PIGO: variants seen among roughly 807,000 people sequenced by gnomAD.
The protein encoded by PIGO is phosphatidylinositol glycan anchor biosynthesis class O, also known as GPI ethanolamine phosphate transferase 3, catalytic subunit.
In PIGO, 66 loss-of-function variants were observed where a neutral mutation model predicts 86.9. That is an observed-to-expected ratio of 0.76 (90% CI 0.62 to 0.93). The LOEUF is 0.93. Among genes scored for constraint, PIGO ranks in the 40% least tolerant of loss-of-function variants. The probability of loss-of-function intolerance (pLI) is 0.00; values close to 1 mark genes in which losing one functional copy is unlikely to be tolerated. For missense variants in PIGO, 1,202 were observed against 1,359.1 expected (o/e 0.88, Z 1.82); for synonymous variants, 570 against 556.4 (o/e 1.02, Z -0.34).
In PIGO at chr9:35,090,262, A is replaced by C; in HGVS notation, c.2873T>G (p.Leu958Arg). 6.2e-7 allele frequency: 1 copy of C among 1,613,938 alleles called. No individual in the cohort carries two copies. The highest frequency in any genetic ancestry group is 8.5e-7 in the Non-Finnish European group (1 of 1,179,884). ...LLFAVGCPLL[L>R]LWPFLCESQG... Reference sequence around the variant, plus strand: ...ACTCTCACACAGGAAAGGCCAGAGCAGGAGCAGTGGGCAACCTACTGCCTC... The same window carrying C: ...ACTCTCACACAGGAAAGGCCAGAGCCGGAGCAGTGGGCAACCTACTGCCTC... The change falls in exon 9 of 11, where the codon CTG becomes CGG. Residue 958 changes from leucine to arginine, a missense_variant. By Grantham distance (102) the Leu-to-Arg change is moderately radical. Coordinates refer to ENST00000378617, the MANE Select transcript of PIGO (RefSeq NM_032634.4).
At position 35,090,363 on chromosome 9, in the gene PIGO, A is replaced by G. The variant is rs1829359903; in HGVS notation, c.2855-83T>C. 2.1e-5 allele frequency: 32 copies of G among 1,559,732 alleles called. No homozygotes were observed. The South Asian group carries it at 3.7e-4, about 18-fold the overall frequency. ...CAATTAGCCTAGGCCAAGGGGTGCC[A>G]AAGATCCAACAAACCCATATCTCTC... is the stretch of plus-strand genomic sequence containing the variant. On this transcript the variant is annotated intron_variant, in intron 8 of 10. Transcript: ENST00000378617.
Position 35,092,535 on chromosome 9 carries a change from A to C in PIGO, c.1352T>G (p.Met451Arg), listed in dbSNP as rs1057518632. The C allele has an allele frequency of 2.5e-6, 4 of 1,614,214 alleles. No individual in the cohort carries two copies. The highest frequency in any genetic ancestry group is 3.4e-6 in the Non-Finnish European group (4 of 1,180,006). ...AGCCAAGAGAGCAGTACCCCCCGCC[A>C]TGCGGACCAGAGAGAAACGAGCCCA... ...ESWARFSLVRMAGGTALLAAS... is the reference protein window; with the variant it reads ...ESWARFSLVRRAGGTALLAAS... Residue 451 changes from methionine (M) to arginine (R), a missense_variant, in exon 7 of 11, where the codon ATG (methionine) becomes AGG (arginine). Met to Arg is a moderately conservative substitution (Grantham distance 91). Transcript: ENST00000378617.
At chr9:35,089,712 A>G (rs1829327347) in intron 9 of PIGO, 7 of 1,407,548 alleles carry the variant, frequency 5.0e-6, no homozygotes, top group Admixed American at 3.0e-5. Flanking sequence ...ATGGAGGAAG[A>G]TATCAGTGCC....
intron 1 of PIGO, 165 bp from the exon 2 acceptor site, chr9:35,095,731 A>C: frequency 1.0e-6 from 1 of 978,940 alleles, no homozygotes; most frequent in South Asian, 1.9e-5. Context: ...TCCTATTTCC[A>C]GGCTGGGCAT....
rs114952014 is a variant in PIGO, at chr9:35,094,786, G to T, written c.511+269C>A. 5.2e-3 allele frequency among the ~76,000 whole-genome samples: 785 copies of T among 152,272 alleles called. 13 individuals carry two copies. The highest frequency in any genetic ancestry group is 0.018 in the African/African-American group (755 of 41,536). On this transcript the variant is annotated intron_variant, in intron 2 of 10. Coordinates refer to ENST00000378617, the MANE Select transcript of PIGO (RefSeq NM_032634.4). ...AAGAATAAAACTTACACTCCATTCA[G>T]ATTAGAAGCTTCATAGGAACAAAGC...
chr9:35,094,835 C>T (rs1234585772), intron 2 of PIGO, among the ~76,000 whole-genome samples: 2 of 152,136 alleles, frequency 1.3e-5, no homozygotes, highest in Non-Finnish European at 2.9e-5. Context: ...CCTCTGTCTC[C>T]CAAACTGAGC....
chr9:35,093,163 A>T lies in PIGO; in HGVS notation c.986T>A (p.Leu329Gln). 1 of 1,614,188 alleles carries T rather than the reference A, an allele frequency of 6.2e-7. No homozygotes were observed. ...PQVSLVPTLA[L>Q]LLGLPIPFGN... ...AAATGGGATGGGCAGGCCCAGCAGC[A>T]GGGCCAGCGTGGGCACAAGGCTAAC... Residue 329 changes from leucine (L) to glutamine (Q), a missense_variant, in exon 6 of 11, where the codon CTG (leucine) becomes CAG (glutamine). Physicochemically the swap from Leu to Gln is moderately radical, Grantham distance 113. Coordinates refer to ENST00000378617, the MANE Select transcript of PIGO (RefSeq NM_032634.4).
At position 35,095,329 on chromosome 9, in the gene PIGO, T is replaced by C. The variant is rs376966684; in HGVS notation, c.237A>G (p.Arg79=). The change falls in exon 2 of 11, where the codon CGA becomes CGG. Residue 79 remains arginine, a synonymous_variant. Coordinates refer to ENST00000378617, the MANE Select transcript of PIGO (RefSeq NM_032634.4). ...AATGCTGGGGCTGGGCGAAGTCAAA[T>C]CGCAGAGCATCTATCAGCACCAACA... ...RVVLVLIDAL[R]FDFAQPQHSH... 2 of 1,613,942 alleles carry C rather than the reference T, an allele frequency of 1.2e-6. No homozygotes were observed. Among genetic ancestry groups the C allele is most frequent in the African/African-American group, 2.7e-5 (2 of 74,884 alleles).
At position 35,091,619 on chromosome 9, in the gene PIGO, C is replaced by T. The variant is rs149171782; in HGVS notation, c.2268G>A (p.Ala756=). 4.6e-3 allele frequency: 7,431 copies of T among 1,613,526 alleles called. 26 individuals carry two copies. Among genetic ancestry groups the T allele is most frequent in the Non-Finnish European group, 5.8e-3 (6,891 of 1,180,020 alleles). The change falls in exon 7 of 11, where the codon GCG becomes GCA. Residue 756 remains alanine (A), a synonymous_variant. Coordinates refer to ENST00000378617, the MANE Select transcript of PIGO (RefSeq NM_032634.4). ...CTGTCACAGGCTTCCAGAGCAGCAG[C>T]GCGAGCCCTGAAGCAGCCAGCCCTG... is the stretch of plus-strand genomic sequence containing the variant. ...AVAGLAASGL[A]LLLWKPVTVL... is the part of the protein sequence containing the mutation.
chr9:35,089,344 C>T (rs781244243), intron 10 of PIGO, 36 bp downstream of exon 10: 1 of 1,614,132 alleles, frequency 6.2e-7, no homozygotes, highest in Non-Finnish European at 8.5e-7. Context: ...GTTTCTCCCT[C>T]CCCACCACCT....
chr9:35,089,676 G>T, intron 9 of PIGO: 1 of 1,425,752 alleles, frequency 7.0e-7, no homozygotes. Flanking sequence ...CATCTGCAAT[G>T]CTAACACTCA....
chr9:35,093,236 G>T, intron 5 of PIGO, 27 bp from the exon 6 acceptor site: 1 of 1,597,310 alleles, frequency 6.3e-7, no homozygotes, highest in Non-Finnish European at 8.6e-7. Context: ...GTGGTCAACA[G>T]ATTCATCACA....
intron 3 of PIGO, 39 bp from the exon 4 acceptor site, chr9:35,094,063 C>A: frequency 1.2e-6 from 2 of 1,600,952 alleles, no homozygotes; most frequent in Non-Finnish European, 1.7e-6. Context: ...AGACTAAGAC[C>A]CACTCCTCAA....
rs537260013 is a variant in PIGO, at chr9:35,091,833, C to T, written c.2054G>A (p.Arg685His). 18 of 1,613,954 alleles carry T rather than the reference C, an allele frequency of 1.1e-5. No individual in the cohort carries two copies. The highest frequency in any genetic ancestry group is 1.0e-4 in the Admixed American group (6 of 60,028). Residue 685 changes from arginine to histidine, a missense_variant, in exon 7 of 11, where the codon CGC becomes CAC. Coordinates refer to ENST00000378617, the MANE Select transcript of PIGO (RefSeq NM_032634.4). ...AALVALLAAVRLWLRRYGNLK... is the reference protein window; with the variant it reads ...AALVALLAAVHLWLRRYGNLK... ...ATTACCATAGCGGCGAAGCCACAAG[C>T]GCACGGCAGCTAACAGGGCCACCAG...
intron 10 of PIGO, 68 bp downstream of exon 10, chr9:35,089,312 G>A (rs1829309983): frequency 6.2e-7 from 1 of 1,613,410 alleles, no homozygotes; most frequent in Non-Finnish European, 8.5e-7. Context: ...TGGATGTTTA[G>A]GATCTTCATA....
Position 35,089,180 on chromosome 9 carries a change from C to G in PIGO, c.3182G>C (p.Gly1061Ala). 1 of 1,614,166 alleles carries G rather than the reference C, an allele frequency of 6.2e-7. No individual in the cohort carries two copies. The highest frequency in any genetic ancestry group is 8.5e-7 in the Non-Finnish European group (1 of 1,180,038). Residue 1061 changes from glycine (G) to alanine (A), a missense_variant, in exon 11 of 11, where the codon GGA becomes GCA. Coordinates refer to ENST00000378617, the MANE Select transcript of PIGO (RefSeq NM_032634.4). ...EAVGFIVSSV[G>A]LLLGIALVMR... ...CACCAAAGCTATGCCCAGGAGAAGT[C>G]CCACGCTGCTCACAATGAAGCCCAC...
At chr9:35,093,836 A>G (rs1349885188) in intron 4 of PIGO, 65 bp downstream of exon 4, 2 of 1,586,876 alleles carry the variant, frequency 1.3e-6, no homozygotes, top group South Asian at 1.2e-5. Flanking sequence ...AGAAGCTCTA[A>G]GATAAGAGCT....
Position 35,090,145 on chromosome 9 carries a change from C to A in PIGO, c.2990G>T (p.Arg997Leu), listed in dbSNP as rs770280569. ...EEEEEPLMEM[R>L]LRDAPQHFYA... Reference sequence around the variant, plus strand: ...GAAGTGCTGAGGCGCATCCCGGAGCCGCATCTCCATCAGTGGCTCCTCTTC... The same window carrying A: ...GAAGTGCTGAGGCGCATCCCGGAGCAGCATCTCCATCAGTGGCTCCTCTTC... The change falls in exon 9 of 11, where the codon CGG (arginine) becomes CTG (leucine). Residue 997 changes from arginine (R) to leucine (L), a missense_variant. Coordinates refer to ENST00000378617, the MANE Select transcript of PIGO (RefSeq NM_032634.4). 2 of 1,614,236 alleles carry A rather than the reference C, an allele frequency of 1.2e-6. No homozygotes were observed. The highest frequency in any genetic ancestry group is 1.7e-6 in the Non-Finnish European group (2 of 1,180,046).
rs112760191 is a variant in PIGO at position 35,091,141 on chromosome 9, T to C, written c.2647+99A>G. ...GTTGTGTGGGGCATGGGACCCTCTG[T>C]CAAGCTCAGGAACATGAGGAGCAAC... On this transcript the variant is annotated intron_variant, in intron 7 of 10. Coordinates refer to ENST00000378617, the MANE Select transcript of PIGO (RefSeq NM_032634.4). 1.4e-5 allele frequency: 19 copies of C among 1,356,484 alleles called. 1 individual carries two copies. The highest frequency in any genetic ancestry group is 1.3e-4 in the African/African-American group (9 of 68,442). 84.0% of individuals were successfully genotyped at this position (1,356,484 alleles called of 1,614,324 possible). A position where few individuals can be genotyped will look rare whatever the true frequency, so the allele number is the denominator to read the frequency against.
Sources: allele counts gnomAD v4.1 joint callset (sites outside exome capture counted in the v4.1 genomes callset), GRCh38; gene constraint gnomAD v4.1.1; transcripts MANE v1.5; gene names NCBI Gene and HGNC (gene_info 2026-07-23, HGNC 2026-07-21).